Variants in MYCBP2 observed in about 807,000 individuals in gnomAD.
MYCBP2 encodes the protein MYC binding protein 2.
In MYCBP2, 120 loss-of-function variants were observed where a neutral mutation model predicts 525.3. The ratio of observed to expected loss-of-function variants is 0.23; its 90% confidence interval spans 0.20 to 0.27. The LOEUF (loss-of-function observed/expected upper bound fraction) is 0.27. MYCBP2 is among the 10% of genes least tolerant of loss of function. The pLI is 1.00. For synonymous variants in MYCBP2, 1,894 were observed against 1,955.8 expected (o/e 0.97, Z 0.83); for missense variants, 4,149 against 5,657.1 (o/e 0.73, Z 8.55).
At chr13:77,308,743 G>A (rs2079772203) in intron 1 of MYCBP2, among the ~76,000 whole-genome samples, 1 of 152,190 alleles carries the variant, frequency 6.6e-6, no homozygotes, top group South Asian at 2.1e-4. Flanking sequence ...GGAAAAGAAG[G>A]AAGTCAAGAA....
intron 4 of MYCBP2, among the ~76,000 whole-genome samples, chr13:77,276,954 C>A (rs979966829): frequency 1.3e-5 from 2 of 151,410 alleles, no homozygotes; most frequent in African/African-American, 4.9e-5. Flanking sequence ...CCACACCCAG[C>A]CAATAATGTG....
Position 77,212,129 on chromosome 13 carries a change from A to T in MYCBP2, c.3089T>A (p.Val1030Glu). Residue 1030 changes from valine to glutamate, a missense_variant, in exon 22 of 83, where the codon GTG becomes GAG. Physicochemically the swap from Val to Glu is moderately radical, Grantham distance 121. Around this residue, in one of 21 missense-constraint regions of MYCBP2, gnomAD observed 620 missense variants for 795.5 expected, o/e 0.78. Transcript: ENST00000544440. ...KGQLGRPILD[V>E]PYWNAKPAPM... ...AGCTGGCTTTGCATTCCAATATGGC[A>T]CATCCAAAATTGGTCTGCCCAGTTG... The T allele has an allele frequency of 6.2e-7, 1 of 1,614,110 alleles. No individual in the cohort carries two copies. The highest frequency in any genetic ancestry group is 8.5e-7 in the Non-Finnish European group (1 of 1,179,988).
intron 3 of MYCBP2, 50 bp downstream of exon 3, chr13:77,288,111 G>C: frequency 1.3e-6 from 2 of 1,570,182 alleles, no homozygotes; most frequent in South Asian, 1.1e-5. Flanking sequence ...ATTATAGCCA[G>C]AACACCTGCA....
rs373284997 is a variant in MYCBP2, at chr13:77,078,900, C to T, written c.11419-11G>A. 2.6e-4 allele frequency: 421 copies of T among 1,603,328 alleles called. 3 individuals are homozygous for T. The African/African-American group carries it at 4.7e-3, about 18-fold the overall frequency. On this transcript the variant is annotated splice_polypyrimidine_tract_variant and intron_variant, in intron 65 of 82. Transcript: ENST00000544440. ...TGAGGTAACTTTATTCTGAAATAGA[C>T]AATTCACAATAGTTAATATGCTATA...
At chr13:77,296,493 A>G in intron 2 of MYCBP2, 106 bp downstream of exon 2, 1 of 1,242,262 alleles carries the variant, frequency 8.0e-7, no homozygotes, top group African/African-American at 1.6e-5. Flanking sequence ...AAATTACTTC[A>G]GCACATACTA....
intron 5 of MYCBP2, 151 bp downstream of exon 5, chr13:77,273,321 T>C (rs1195201808): frequency 2.4e-5 from 13 of 552,098 alleles, no homozygotes; most frequent in East Asian, 9.8e-5. Flanking sequence ...TATCACTTAA[T>C]TGAAATACTG....
chr13:77,238,807 G>A (rs1166154917), intron 17 of MYCBP2, among the ~76,000 whole-genome samples: 2 of 152,188 alleles, frequency 1.3e-5, no homozygotes, highest in African/African-American at 4.8e-5. Flanking sequence ...CAATAGGCCT[G>A]AAGCTGTCTG....
intron 49 of MYCBP2, among the ~76,000 whole-genome samples, chr13:77,143,817 T>C (rs1393282391): frequency 6.6e-6 from 1 of 152,214 alleles, no homozygotes; most frequent in Non-Finnish European, 1.5e-5. Flanking sequence ...CTGTACAGCA[T>C]GTTACCCTAC....
intron 2 of MYCBP2, 86 bp downstream of exon 2, chr13:77,296,513 T>C (rs746612501): frequency 1.5e-4 from 215 of 1,399,062 alleles, no homozygotes; most frequent in Admixed American, 4.5e-4. Context: ...AATAAAATGG[T>C]TTAATTATAT....
chr13:77,254,732 C>T (rs370264968), intron 14 of MYCBP2, among the ~76,000 whole-genome samples: 1 of 151,698 alleles, frequency 6.6e-6, no homozygotes, highest in East Asian at 1.9e-4. Flanking sequence ...ATTTTTGTAC[C>T]TATTAACCAA....
At chr13:77,205,182 A>C in intron 26 of MYCBP2, 74 bp downstream of exon 26, 7 of 1,295,572 alleles carry the variant, frequency 5.4e-6, no homozygotes, top group Non-Finnish European at 7.0e-6. Context: ...TTAGACATTA[A>C]ATAATAAAAT....
intron 82 of MYCBP2, among the ~76,000 whole-genome samples, chr13:77,048,769 C>T (rs2036130441): frequency 6.6e-6 from 1 of 152,178 alleles, no homozygotes; most frequent in African/African-American, 2.4e-5. Flanking sequence ...TCCTCCCCCG[C>T]CTCCCTCCTG....
rs2043554287 is a variant in MYCBP2 at position 77,082,936 on chromosome 13, A to G, written c.11036+96T>C. Reference sequence around the variant, plus strand: ...CTATATAATGTAGGGATTCTATCTTACTATTTAAAGAGCTTTTTTTGGAGC... The same window carrying G: ...CTATATAATGTAGGGATTCTATCTTGCTATTTAAAGAGCTTTTTTTGGAGC... On this transcript the variant is annotated intron_variant, in intron 63 of 82. Transcript: ENST00000544440. 4 of 1,221,410 alleles carry G rather than the reference A, an allele frequency of 3.3e-6. No homozygotes were observed. In the African/African-American group the frequency reaches 4.6e-5, roughly 14 times the overall value. 75.7% of individuals were successfully genotyped at this position (1,221,410 alleles called of 1,614,324 possible). A position where few individuals can be genotyped will look rare whatever the true frequency, so the allele number is the denominator to read the frequency against.
chr13:77,219,442 T>C (rs2065246700), intron 20 of MYCBP2, among the ~76,000 whole-genome samples: 1 of 147,520 alleles, frequency 6.8e-6, no homozygotes, highest in African/African-American at 2.5e-5. Context: ...AAAGGAAAAA[T>C]GAAGCTGAAG....
At chr13:77,186,710 G>A (rs1457285385) in intron 30 of MYCBP2, among the ~76,000 whole-genome samples, 1 of 151,734 alleles carries the variant, frequency 6.6e-6, no homozygotes, top group Non-Finnish European at 1.5e-5. Flanking sequence ...ATGGTTAAAT[G>A]ACAACAGATA....
chr13:77,145,964 T>C (rs1419101223), intron 48 of MYCBP2, among the ~76,000 whole-genome samples, 198 bp downstream of exon 48: 1 of 152,004 alleles, frequency 6.6e-6, no homozygotes, highest in Non-Finnish European at 1.5e-5. Context: ...TTATGTAATA[T>C]ATTGGCAGTA....
chr13:77,115,972 T>C (rs2049678019), intron 55 of MYCBP2, among the ~76,000 whole-genome samples: 1 of 151,766 alleles, frequency 6.6e-6, no homozygotes, highest in African/African-American at 2.4e-5. Flanking sequence ...TTTGCATTAT[T>C]TACCGAGGTA....
At chr13:77,147,579 T>A (rs944885759) in intron 47 of MYCBP2, among the ~76,000 whole-genome samples, 1 of 152,070 alleles carries the variant, frequency 6.6e-6, no homozygotes, top group Admixed American at 6.6e-5. Context: ...ACCCTTTTTG[T>A]TTTCATAAAA....
In MYCBP2 at chr13:77,262,074, T is replaced by C; in HGVS notation, c.1626A>G (p.Leu542=). ...AILGAGREFA[L]MKTANGKIYY... ...TTACCTTTCCATTTGCTGTTTTCAT[T>C]AGCGCAAACTCTCGTCCTGCACCAA... The change falls in exon 11 of 83, where the codon CTA becomes CTG. Residue 542 remains leucine (L), a synonymous_variant. Coordinates refer to ENST00000544440, the MANE Select transcript of MYCBP2 (RefSeq NM_015057.5). The C allele has an allele frequency of 3.1e-6, 5 of 1,611,376 alleles. No homozygotes were observed. Among genetic ancestry groups the C allele is most frequent in the Non-Finnish European group, 4.2e-6 (5 of 1,178,336 alleles).
Sources: allele counts gnomAD v4.1 joint callset (sites outside exome capture counted in the v4.1 genomes callset), GRCh38; gene constraint gnomAD v4.1.1; regional missense constraint gnomAD v4.1.1; transcripts MANE v1.5; gene names NCBI Gene and HGNC (gene_info 2026-07-23, HGNC 2026-07-21).